The following CTPS1 variants were observed in gnomAD, a reference collection of about 807,000 sequenced individuals.
CTPS1 encodes the protein CTP synthase 1.
In CTPS1, 25 loss-of-function variants were observed where a neutral mutation model predicts 80.5. The observed-to-expected ratio is 0.31, with a 90% confidence interval of 0.23 to 0.43. The LOEUF (loss-of-function observed/expected upper bound fraction) is 0.43. Ranked by LOEUF, CTPS1 falls within the 20% of genes least tolerant of loss-of-function variation. The pLI is 1.00. For synonymous variants in CTPS1, 267 were observed against 252.5 expected (o/e 1.06, Z -0.54); for missense variants, 442 against 725.7 (o/e 0.61, Z 4.49).
At chr1:40,985,099 A>G (rs911053343) in intron 3 of CTPS1, 108 bp downstream of exon 3, 1 of 673,112 alleles carries the variant, frequency 1.5e-6, no homozygotes, top group Non-Finnish European at 2.2e-6. Context: ...AGAAGTTTAC[A>G]TTGTATGTGA....
intron 18 of CTPS1, among the ~76,000 whole-genome samples, chr1:41,010,982 G>C (rs1279116912): frequency 2.0e-5 from 3 of 152,198 alleles, no homozygotes; most frequent in African/African-American, 7.2e-5. Flanking sequence ...TCTGGAATAA[G>C]AACCAGGGGT....
At chr1:41,005,300 T>A (rs1204875941) in intron 12 of CTPS1, among the ~76,000 whole-genome samples, 6 of 151,948 alleles carry the variant, frequency 3.9e-5, no homozygotes, top group Non-Finnish European at 5.9e-5. Flanking sequence ...CAAAGTTAGC[T>A]GGGCATGGTG....
chr1:40,996,365 G>A (rs1400813854), intron 8 of CTPS1, among the ~76,000 whole-genome samples: 1 of 152,144 alleles, frequency 6.6e-6, no homozygotes, highest in Non-Finnish European at 1.5e-5. Context: ...GCGTCCTGGT[G>A]GCAGCGGGTG....
chr1:40,988,833 A>C (rs1290038053), intron 5 of CTPS1, 123 bp downstream of exon 5: 5 of 671,116 alleles, frequency 7.5e-6, no homozygotes, highest in Non-Finnish European at 1.3e-5. Flanking sequence ...CAGAGAATAA[A>C]GAACTTTGTA....
intron 7 of CTPS1, among the ~76,000 whole-genome samples, chr1:40,993,898 C>T (rs1204908402): frequency 2.0e-5 from 3 of 150,854 alleles, no homozygotes; most frequent in Non-Finnish European, 3.0e-5. Flanking sequence ...CCTGCCTCAG[C>T]CTCCTGAGTA....
Position 41,007,737 on chromosome 1 carries a change from T to G in CTPS1, c.1393+192T>G, listed in dbSNP as rs1367693581. Among the ~76,000 whole-genome samples the G allele has an allele frequency of 6.6e-6, 1 of 152,204 alleles. No individual in the cohort carries two copies. Among genetic ancestry groups the G allele is most frequent in the East Asian group, 1.9e-4 (1 of 5,202 alleles). ...GATAGCCATAGAAGCAGTGTGGGTCTTAGAAAGGACACTGGCAGTGCAGTC... is the reference window on the plus strand; with the variant it reads ...GATAGCCATAGAAGCAGTGTGGGTCGTAGAAAGGACACTGGCAGTGCAGTC... On this transcript the variant is annotated intron_variant, in intron 14 of 18. Coordinates refer to ENST00000650070, the MANE Select transcript of CTPS1 (RefSeq NM_001905.4). This position sits in a 1 kb window ranked among gnomAD's most constrained non-coding sequence, Gnocchi z 4.4.
chr1:41,006,154 A>G lies in CTPS1; in HGVS notation c.1296+60A>G. On this transcript the variant is annotated intron_variant, in intron 13 of 18. Coordinates refer to ENST00000650070, the MANE Select transcript of CTPS1 (RefSeq NM_001905.4). ...AAGGGTGTAGAAGGGGCATTTATGA[A>G]CGTGATTGATGATTAGAGACAAGAA... The G allele has an allele frequency of 2.9e-6, 4 of 1,365,520 alleles. No homozygotes were observed. In the South Asian group the frequency reaches 4.7e-5, roughly 16 times the overall value. 84.6% of individuals were successfully genotyped at this position (1,365,520 alleles called of 1,614,324 possible).
chr1:40,985,267 CTGT>C (rs1642423523), intron 3 of CTPS1, among the ~76,000 whole-genome samples: 1 of 152,248 alleles, frequency 6.6e-6, no homozygotes, highest in African/African-American at 2.4e-5. Flanking sequence ...GTCCAGAGAG[CTGT>C]TGTTTTTACA....
At chr1:40,983,928 T>C (rs934062326) in intron 2 of CTPS1, among the ~76,000 whole-genome samples, 1 of 152,222 alleles carries the variant, frequency 6.6e-6, no homozygotes, top group African/African-American at 2.4e-5. Flanking sequence ...TTTGTTGTTA[T>C]TGAGAACCTG....
chr1:41,005,738 C>CA (rs1019730412), intron 12 of CTPS1, among the ~76,000 whole-genome samples: 5 of 151,844 alleles, frequency 3.3e-5, no homozygotes, highest in Admixed American at 6.6e-5. Context: ...TTTGTCTCTC[C>CA]AAAAAATGAA....
intron 1 of CTPS1, chr1:40,982,012 CT>C: frequency 7.8e-7 from 1 of 1,288,908 alleles, no homozygotes; most frequent in Middle Eastern, 2.1e-4. Context: ...TTTTCTGCTA[CT>C]TTCTAATTGT....
intron 1 of CTPS1, among the ~76,000 whole-genome samples, chr1:40,982,218 G>A (rs1053668077): frequency 3.9e-5 from 6 of 151,980 alleles, no homozygotes; most frequent in African/African-American, 1.5e-4. Flanking sequence ...CCGTGGCACT[G>A]CTTTTTGGAT....
intron 8 of CTPS1, chr1:40,997,152 AG>A: frequency 2.4e-6 from 1 of 410,512 alleles, no homozygotes; most frequent in Non-Finnish European, 4.3e-6. Context: ...GGGTTTTTTG[AG>A]GCAGGGTCTC....
intron 1 of CTPS1, chr1:40,980,971 A>G (rs66909676): frequency 0.18 from 27,804 of 152,294 alleles, 2,645 homozygotes; most frequent in Middle Eastern, 0.29. Flanking sequence ...TGCAAGTCAT[A>G]TCTACAAAAC....
chr1:41,011,103 CG>C (rs1241279774), intron 18 of CTPS1, among the ~76,000 whole-genome samples: 1 of 152,194 alleles, frequency 6.6e-6, no homozygotes, highest in Non-Finnish European at 1.5e-5. Flanking sequence ...GGGTCAGTGC[CG>C]GTCTGACCTG....
At chr1:40,982,656 C>T (rs2148384582) in intron 1 of CTPS1, among the ~76,000 whole-genome samples, 1 of 152,310 alleles carries the variant, frequency 6.6e-6, no homozygotes, top group African/African-American at 2.4e-5. Flanking sequence ...TCCCAAAGTG[C>T]TGGGATTACA....
Position 41,008,854 on chromosome 1 carries a change from G to A in CTPS1, c.1510G>A (p.Val504Ile). ...EQGLKFVGQD[V>I]EGERMEIVEL... is the part of the protein sequence containing the mutation. Reference sequence around the variant, plus strand: ...AGGCTTGAAGTTTGTTGGCCAAGATGTTGAAGGAGAGAGAATGGAAATTGT... The same window carrying A: ...AGGCTTGAAGTTTGTTGGCCAAGATATTGAAGGAGAGAGAATGGAAATTGT... The change falls in exon 16 of 19, where the codon GTT becomes ATT. Residue 504 changes from valine to isoleucine, a missense_variant. Coordinates refer to ENST00000650070, the MANE Select transcript of CTPS1 (RefSeq NM_001905.4). 8.7e-6 allele frequency: 14 copies of A among 1,614,182 alleles called. No individual in the cohort carries two copies. Among genetic ancestry groups the A allele is most frequent in the Non-Finnish European group, 1.2e-5 (14 of 1,180,018 alleles).
At chr1:40,987,496 G>A (rs181188977) in intron 4 of CTPS1, 24 bp downstream of exon 4, 30 of 1,512,650 alleles carry the variant, frequency 2.0e-5, no homozygotes, top group Non-Finnish European at 9.2e-7. Context: ...CTGCACATGT[G>A]AACAAGTGTA....
intron 17 of CTPS1, 70 bp downstream of exon 17, chr1:41,009,659 C>T: frequency 6.4e-7 from 1 of 1,563,076 alleles, no homozygotes; most frequent in South Asian, 1.1e-5. Flanking sequence ...TGATTCATTA[C>T]AGCAACACGT....
Sources: gnomAD v4.1 joint callset for allele counts (sites outside exome capture counted in the v4.1 genomes callset) on GRCh38, gnomAD v4.1.1 for gene constraint, Gnocchi (gnomAD v3.1) non-coding constraint, MANE v1.5 for transcripts, NCBI Gene and HGNC (gene_info 2026-07-23, HGNC 2026-07-21) for gene names.